Variants in POLR1A observed in about 807,000 individuals in gnomAD.
POLR1A encodes the protein DNA-directed RNA polymerase I subunit RPA1.
POLR1A carries 84 observed loss-of-function variants against 205.3 expected under a neutral mutation model. The observed-to-expected ratio is 0.41, with a 90% CI of 0.34 to 0.49. The LOEUF (loss-of-function observed/expected upper bound fraction) is 0.49. Ranked by LOEUF, POLR1A falls within the 20% of genes least tolerant of loss-of-function variation. POLR1A has a pLI of 0.22. For synonymous variants in POLR1A, 799 were observed against 863.7 expected (o/e 0.93, Z 1.31); for missense variants, 1,645 against 2,204.5 (o/e 0.75, Z 5.08).
At position 86,028,567 on chromosome 2, in the gene POLR1A, G is replaced by A. The variant is rs755152866; in HGVS notation, c.4897+27C>T. 1.5e-5 allele frequency: 23 copies of A among 1,539,460 alleles called. No individual in the cohort carries two copies. The highest frequency in any genetic ancestry group is 8.9e-5 in the South Asian group (8 of 89,608). ...GTGTCCTGGCTGGTGCCCAGACCTC[G>A]GGGTGTTATCTGCAAGCTCCCCTTA... is the stretch of plus-strand genomic sequence containing the variant. On this transcript the variant is annotated intron_variant, in intron 32 of 33. Coordinates refer to ENST00000263857, the MANE Select transcript of POLR1A (RefSeq NM_015425.6). This position sits in a 1 kb window ranked among gnomAD's most constrained non-coding sequence, Gnocchi z 4.5.
At chr2:86,080,678 A>C in intron 9 of POLR1A, 138 bp downstream of exon 9, 1 of 755,626 alleles carries the variant, frequency 1.3e-6, no homozygotes. Flanking sequence ...CCCTAAGCCC[A>C]GAGCTCACAC....
At chr2:86,057,382 G>A (rs960980122) in intron 14 of POLR1A, among the ~76,000 whole-genome samples, 1 of 152,210 alleles carries the variant, frequency 6.6e-6, no homozygotes, top group Non-Finnish European at 1.5e-5. Context: ...TAACACACCT[G>A]ATTTGAAAAA....
chr2:86,083,841 A>G (rs1673447781), intron 6 of POLR1A, among the ~76,000 whole-genome samples: 1 of 152,240 alleles, frequency 6.6e-6, no homozygotes, highest in Non-Finnish European at 1.5e-5. Context: ...TGTGTGAGGA[A>G]TAGATTGGGC....
intron 14 of POLR1A, among the ~76,000 whole-genome samples, chr2:86,058,539 A>G (rs1241795199): frequency 6.8e-6 from 1 of 146,534 alleles, no homozygotes; most frequent in Non-Finnish European, 1.5e-5. Flanking sequence ...ATCTTAATGA[A>G]AAAAAAAAAA....
intron 24 of POLR1A, among the ~76,000 whole-genome samples, chr2:86,040,798 G>A (rs183833602): frequency 3.2e-4 from 48 of 152,214 alleles, no homozygotes; most frequent in African/African-American, 1.1e-3. Flanking sequence ...TTCATGCTTG[G>A]ACTCCTCATG....
At position 86,026,599 on chromosome 2, in the gene POLR1A, G is replaced by C. The variant is rs1253377269; in HGVS notation, c.*824C>G. On this transcript the variant is annotated 3_prime_UTR_variant, in exon 34 of 34. Coordinates refer to ENST00000263857, the MANE Select transcript of POLR1A (RefSeq NM_015425.6). ...GTTCCTTCCCATAAGCAGGGCCTGT[G>C]GGGTGTATGGGGCAGAACATAGGCC... 2 of 152,324 alleles carry C rather than the reference G, an allele frequency of 1.3e-5. No homozygotes were observed. Among genetic ancestry groups the C allele is most frequent in the South Asian group, 2.1e-4 (1 of 4,832 alleles). The allele number at this position is 152,324 out of a possible 1,614,324, so 9.4% of individuals were successfully genotyped here. A position where few individuals can be genotyped will look rare whatever the true frequency, so the allele number is the denominator to read the frequency against.
At chr2:86,045,489 CT>C (rs34332333) in intron 20 of POLR1A, 127 bp downstream of exon 20, 6 of 1,285,578 alleles carry the variant, frequency 4.7e-6, no homozygotes, top group Non-Finnish European at 6.7e-6. Flanking sequence ...TCTCCTAGGA[CT>C]TTTTGACCTC....
At chr2:86,029,159 G>A (rs953441221) in intron 31 of POLR1A, among the ~76,000 whole-genome samples, 3 of 152,218 alleles carry the variant, frequency 2.0e-5, no homozygotes, top group South Asian at 2.1e-4. Context: ...GCCAAGGTGC[G>A]GCTGAGCTGT....
At chr2:86,040,261 A>T in intron 25 of POLR1A, 131 bp downstream of exon 25, 1 of 720,656 alleles carries the variant, frequency 1.4e-6, no homozygotes, top group Non-Finnish European at 2.0e-6. Flanking sequence ...CACTTTAATG[A>T]GACCCTGTCC....
Position 86,031,711 on chromosome 2 carries a change from C to A in POLR1A, c.4273-76G>T, listed in dbSNP as rs1032862808. On this transcript the variant is annotated intron_variant, in intron 29 of 33. Transcript: ENST00000263857. Reference sequence around the variant, plus strand: ...CTGGACTCTGCCTGTGGAACAAAGACCCCTGCAAAGCCTTGGCTGGCCTGG... The same window carrying A: ...CTGGACTCTGCCTGTGGAACAAAGAACCCTGCAAAGCCTTGGCTGGCCTGG... 6.5e-6 allele frequency: 10 copies of A among 1,549,486 alleles called. No individual in the cohort carries two copies. The African/African-American group carries it at 1.4e-4, about 21-fold the overall frequency.
At chr2:86,036,185 G>A (rs182008650) in intron 27 of POLR1A, among the ~76,000 whole-genome samples, 2 of 152,340 alleles carry the variant, frequency 1.3e-5, no homozygotes, top group Admixed American at 1.3e-4. Flanking sequence ...TGTTTGGAAA[G>A]TCAGATTCAC....
intron 26 of POLR1A, 87 bp downstream of exon 26, chr2:86,039,240 C>T: frequency 7.1e-7 from 1 of 1,417,290 alleles, no homozygotes; most frequent in Non-Finnish European, 9.8e-7. Flanking sequence ...AGGGTCAGAG[C>T]AGTAAGCAAA....
At chr2:86,059,306 A>G (rs577234560) in intron 14 of POLR1A, among the ~76,000 whole-genome samples, 7 of 152,324 alleles carry the variant, frequency 4.6e-5, no homozygotes, top group South Asian at 4.1e-4. Flanking sequence ...TGTGGTCCCA[A>G]TGAAAAAGCA....
chr2:86,027,160 AG>A lies in POLR1A; in HGVS notation c.*262del. 1 of 535,874 alleles carries A rather than the reference AG, an allele frequency of 1.9e-6. No individual in the cohort carries two copies. Among genetic ancestry groups the A allele is most frequent in the South Asian group, 2.2e-5 (1 of 45,208 alleles). 33.2% of individuals were successfully genotyped at this position (535,874 alleles called of 1,614,324 possible). On this transcript the variant is annotated 3_prime_UTR_variant, in exon 34 of 34. Coordinates refer to ENST00000263857, the MANE Select transcript of POLR1A (RefSeq NM_015425.6). ...GCACAGGTGAGGCCCCAGCCATCTC[AG>A]GGGGACTCAGAAGACTTGGTAAACC... is the stretch of plus-strand genomic sequence containing the variant.
At chr2:86,081,071 C>T (rs1250642187) in intron 8 of POLR1A, 93 bp from the exon 9 acceptor site, 1 of 1,161,208 alleles carries the variant, frequency 8.6e-7, no homozygotes, top group East Asian at 2.4e-5. Context: ...AGGGAGCACA[C>T]CCCACCATGC....
chr2:86,078,073 A>G (rs373618208), intron 10 of POLR1A, 41 bp downstream of exon 10: 26 of 1,612,232 alleles, frequency 1.6e-5, no homozygotes, highest in Non-Finnish European at 1.8e-5. Context: ...TTTATTATTT[A>G]TCTTCTGTAG....
At chr2:86,094,165 C>T (rs1361551915) in intron 3 of POLR1A, among the ~76,000 whole-genome samples, 1 of 152,144 alleles carries the variant, frequency 6.6e-6, no homozygotes, top group African/African-American at 2.4e-5. Flanking sequence ...TATTCTCTCT[C>T]TCTGACCTTT....
In POLR1A at chr2:86,100,042, C is replaced by G. The variant is rs1227294984; in HGVS notation, c.208G>C (p.Asp70His). The G allele has an allele frequency of 2.5e-6, 4 of 1,614,144 alleles. No homozygotes were observed. ...SKEVCSTCVQDFSNCSGHLGH... is the reference protein window; with the variant it reads ...SKEVCSTCVQHFSNCSGHLGH... ...AGGTGCCCAGAACAGTTGCTGAAGT[C>G]CTGCACGCAGGTGGAGCACACCTCT... is the stretch of plus-strand genomic sequence containing the variant. The change falls in exon 2 of 34, where the codon GAC becomes CAC. Residue 70 changes from aspartate (D) to histidine (H), a missense_variant. Coordinates refer to ENST00000263857, the MANE Select transcript of POLR1A (RefSeq NM_015425.6).
intron 14 of POLR1A, among the ~76,000 whole-genome samples, chr2:86,055,685 A>G (rs1472483029): frequency 1.3e-5 from 2 of 152,218 alleles, no homozygotes; most frequent in Non-Finnish European, 2.9e-5. Context: ...ATGACCTGCC[A>G]CTTCATCTGT....
Sources: gnomAD v4.1 joint callset for allele counts (sites outside exome capture counted in the v4.1 genomes callset) on GRCh38, gnomAD v4.1.1 for gene constraint, Gnocchi (gnomAD v3.1) non-coding constraint, MANE v1.5 for transcripts, NCBI Gene and HGNC (gene_info 2026-07-23, HGNC 2026-07-21) for gene names.